ADPRH: variants seen among roughly 807,000 people sequenced by gnomAD.
ADPRH encodes ADP-ribose-L-arginine cleaving enzyme.
Under a neutral mutation model 28.8 loss-of-function variants are expected in ADPRH, and 27 were observed. The ratio of observed to expected loss-of-function variants is 0.94; its 90% confidence interval spans 0.69 to 1.29. The LOEUF (loss-of-function observed/expected upper bound fraction) is 1.29, where lower values mean the gene tolerates loss of function less well. ADPRH is among the 50% of genes most tolerant of loss of function. The pLI is 0.00. For missense variants in ADPRH, 419 were observed against 444.8 expected (o/e 0.94, Z 0.52); for synonymous variants, 161 against 166.9 (o/e 0.96, Z 0.27).
intron 3 of ADPRH, among the ~76,000 whole-genome samples, chr3:119,584,435 C>T (rs1034956837): frequency 1.3e-5 from 2 of 151,972 alleles, no homozygotes; most frequent in African/African-American, 4.8e-5. Context: ...TGATGGTGCA[C>T]ACCTGTAATC....
At position 119,588,057 on chromosome 3, in the gene ADPRH, T is replaced by C. The variant is rs2082482131; in HGVS notation, c.*179T>C. 1 of 578,832 alleles carries C rather than the reference T, an allele frequency of 1.7e-6. No homozygotes were observed. The highest frequency in any genetic ancestry group is 2.8e-6 in the Non-Finnish European group (1 of 360,250). The allele number at this position is 578,832 out of a possible 1,614,324, so 35.9% of individuals were successfully genotyped here. On this transcript the variant is annotated 3_prime_UTR_variant, in exon 5 of 5. Coordinates refer to ENST00000357003, the MANE Select transcript of ADPRH (RefSeq NM_001125.4). ...AGGCTCATCCTGTTCTTCCAGAATC[T>C]ATCCCTTTTCTTACACTGAAGAGTC...
rs756523263 is a variant in ADPRH at position 119,587,648 on chromosome 3, G to A, written c.844G>A (p.Val282Ile). 17 of 1,614,078 alleles carry A rather than the reference G, an allele frequency of 1.1e-5. No homozygotes were observed. The East Asian group carries it at 3.6e-4, about 34-fold the overall frequency. ...TGCCCCCATGATTGCCTACGATGCT[G>A]TTCTTGCTGCAGGAGACTCCTGGAA... ...HDAPMIAYDA[V>I]LAAGDSWKEL... The change falls in exon 5 of 5, where the codon GTT becomes ATT. Residue 282 changes from valine (V) to isoleucine (I), a missense_variant. Transcript: ENST00000357003.
rs1280210266 is a variant in ADPRH, at chr3:119,588,910, A to G, written c.*1032A>G. 2 of 152,270 alleles carry G rather than the reference A, an allele frequency of 1.3e-5. No individual in the cohort carries two copies. Among genetic ancestry groups the G allele is most frequent in the Non-Finnish European group, 2.9e-5 (2 of 68,062 alleles). 9.4% of individuals were successfully genotyped at this position (152,270 alleles called of 1,614,324 possible). A position where few individuals can be genotyped will look rare whatever the true frequency, so the allele number is the denominator to read the frequency against. On this transcript the variant is annotated 3_prime_UTR_variant, in exon 5 of 5. Coordinates refer to ENST00000357003, the MANE Select transcript of ADPRH (RefSeq NM_001125.4). The stretch of plus-strand genomic sequence containing the variant: ...CAGTATCTATTGAGTGTTATGAACT[A>G]GCCTCCTAGCTCGTGCTTCCCTCAT...
chr3:119,582,110 C>A, intron 2 of ADPRH, 24 bp from the exon 3 acceptor site: 2 of 1,269,032 alleles, frequency 1.6e-6, no homozygotes, highest in African/African-American at 1.5e-5. Context: ...ATCCTATTTC[C>A]TTTGTCTTAA....
rs559532787 is a variant in ADPRH at position 119,580,626 on chromosome 3, C to T, written c.-47C>T. The T allele has an allele frequency of 1.4e-4, 22 of 152,160 alleles. No homozygotes were observed. The highest frequency in any genetic ancestry group is 2.6e-4 in the Non-Finnish European group (18 of 68,056). The allele number at this position is 152,160 out of a possible 1,614,324, so 9.4% of individuals were successfully genotyped here. A position where few individuals can be genotyped will look rare whatever the true frequency, so the allele number is the denominator to read the frequency against. On this transcript the variant is annotated 5_prime_UTR_variant, in exon 2 of 5. Coordinates refer to ENST00000357003, the MANE Select transcript of ADPRH (RefSeq NM_001125.4). ...ACTTCTGGAAGCCTCCTGACTTGAA[C>T]TAGACCTTGGGTAAATAGGGTTTAG...
chr3:119,587,014 G>A (rs2082468365), intron 4 of ADPRH, among the ~76,000 whole-genome samples: 1 of 152,218 alleles, frequency 6.6e-6, no homozygotes, highest in Admixed American at 6.5e-5. Context: ...AAATTCCAGA[G>A]ATACGTTTTT....
In ADPRH at chr3:119,587,446, A is replaced by AT. The variant is rs142015073; in HGVS notation, c.660-12dup. 6.6e-3 allele frequency: 9,812 copies of AT among 1,486,546 alleles called. 537 individuals carry two copies. The African/African-American group carries it at 0.12, about 18-fold the overall frequency. The allele number at this position is 1,486,546 out of a possible 1,614,324, so 92.1% of individuals were successfully genotyped here. A position where few individuals can be genotyped will look rare whatever the true frequency, so the allele number is the denominator to read the frequency against. On this transcript the variant is annotated splice_polypyrimidine_tract_variant and intron_variant, in intron 4 of 4. Coordinates refer to ENST00000357003, the MANE Select transcript of ADPRH (RefSeq NM_001125.4). ...CTTTATTTTTTTCAATTGACTCTAG[A>AT]TTTTTTCCTTTCTACAGGTCCTACT...
rs149117576 is a variant in ADPRH at position 119,582,408 on chromosome 3, A to G, written c.239A>G (p.Tyr80Cys). 6.0e-5 allele frequency: 97 copies of G among 1,613,876 alleles called. No individual in the cohort carries two copies. The highest frequency in any genetic ancestry group is 2.0e-4 in the African/African-American group (15 of 74,928). ...AAAGCCCCTAAGTTGACTCAACTGT[A>G]TTACCTCCTTGCTAAGCATTACCAA... is the stretch of plus-strand genomic sequence containing the variant. ...AGKAPKLTQL[Y>C]YLLAKHYQDC... Residue 80 changes from tyrosine (Y) to cysteine (C), a missense_variant, in exon 3 of 5, where the codon TAT becomes TGT. Transcript: ENST00000357003.
rs1038407460 is a variant in ADPRH at position 119,585,200 on chromosome 3, T to G, written c.299-1085T>G. On this transcript the variant is annotated intron_variant, in intron 3 of 4. Coordinates refer to ENST00000357003, the MANE Select transcript of ADPRH (RefSeq NM_001125.4). Reference sequence around the variant, plus strand: ...CTCGGCATCTGATAGCTCATCAGTTTAGCAAGTGGAAACTTTTTTTTGTCC... The same window carrying G: ...CTCGGCATCTGATAGCTCATCAGTTGAGCAAGTGGAAACTTTTTTTTGTCC... Among the ~76,000 whole-genome samples, 11 of 152,328 alleles carry G rather than the reference T, an allele frequency of 7.2e-5. No individual in the cohort carries two copies. In the South Asian group the frequency reaches 2.3e-3, roughly 32 times the overall value.
At position 119,587,798 on chromosome 3, in the gene ADPRH, G is replaced by A. The variant is rs780962141; in HGVS notation, c.994G>A (p.Glu332Lys). 4 of 1,614,112 alleles carry A rather than the reference G, an allele frequency of 2.5e-6. No homozygotes were observed. Among genetic ancestry groups the A allele is most frequent in the Non-Finnish European group, 3.4e-6 (4 of 1,179,994 alleles). ...GVSPSNYEKL[E>K]YRNRLEETAR... is the part of the protein sequence containing the mutation. ...GAGTCCCTCCAACTATGAGAAACTA[G>A]AATACAGAAACCGGCTGGAAGAGAC... is the stretch of plus-strand genomic sequence containing the variant. Residue 332 changes from glutamate to lysine, a missense_variant, in exon 5 of 5, where the codon GAA (glutamate) becomes AAA (lysine). By Grantham distance (56) the Glu-to-Lys change is moderately conservative (BLOSUM62 1). Transcript: ENST00000357003.
intron 1 of ADPRH, chr3:119,580,066 A>G (rs1436129770): frequency 6.6e-6 from 1 of 152,290 alleles, no homozygotes; most frequent in East Asian, 1.9e-4. Flanking sequence ...GTGAAAGTTC[A>G]GAGGAGTTAA....
chr3:119,587,077 C>T (rs558993091), intron 4 of ADPRH, among the ~76,000 whole-genome samples: 1 of 152,358 alleles, frequency 6.6e-6, no homozygotes, highest in South Asian at 2.1e-4. Context: ...CTCGTGAGTT[C>T]ACTTCACATT....
At chr3:119,586,202 G>T in intron 3 of ADPRH, 83 bp from the exon 4 acceptor site, 1 of 1,567,024 alleles carries the variant, frequency 6.4e-7, no homozygotes, top group Non-Finnish European at 8.7e-7. Context: ...AAAATACTTG[G>T]AGACAGAGTT....
At position 119,588,020 on chromosome 3, in the gene ADPRH, C is replaced by A; in HGVS notation, c.*142C>A. The A allele has an allele frequency of 1.1e-6, 1 of 881,380 alleles. No homozygotes were observed. The highest frequency in any genetic ancestry group is 1.6e-6 in the Non-Finnish European group (1 of 612,396). The allele number at this position is 881,380 out of a possible 1,614,324, so 54.6% of individuals were successfully genotyped here. A position where few individuals can be genotyped will look rare whatever the true frequency, so the allele number is the denominator to read the frequency against. On this transcript the variant is annotated 3_prime_UTR_variant, in exon 5 of 5. Coordinates refer to ENST00000357003, the MANE Select transcript of ADPRH (RefSeq NM_001125.4). ...TAACAAGTCCCTTGGGCACCTTAAG[C>A]TCAGTTTTTTCAGGCTCATCCTGTT...
rs2082485817 is a variant in ADPRH at position 119,588,434 on chromosome 3, G to C, written c.*556G>C. 1 of 152,350 alleles carries C rather than the reference G, an allele frequency of 6.6e-6. No homozygotes were observed. The highest frequency in any genetic ancestry group is 1.9e-4 in the East Asian group (1 of 5,184). 9.4% of individuals were successfully genotyped at this position (152,350 alleles called of 1,614,324 possible). On this transcript the variant is annotated 3_prime_UTR_variant, in exon 5 of 5. Coordinates refer to ENST00000357003, the MANE Select transcript of ADPRH (RefSeq NM_001125.4). ...TCCCATTTGAAGGGCAAGCAAACCT[G>C]GGGTATTTATCCACTGACTTCCATC...
chr3:119,584,350 G>T (rs1032437609), intron 3 of ADPRH, among the ~76,000 whole-genome samples: 2 of 151,980 alleles, frequency 1.3e-5, no homozygotes, highest in African/African-American at 4.8e-5. Context: ...ATCATCTGAG[G>T]TCAGGAGTTT....
At chr3:119,583,859 C>A (rs985874983) in intron 3 of ADPRH, among the ~76,000 whole-genome samples, 2 of 151,998 alleles carry the variant, frequency 1.3e-5, no homozygotes, top group African/African-American at 2.4e-5. Flanking sequence ...CTCACTGCAA[C>A]CTCTGCCTCC....
At position 119,587,915 on chromosome 3, in the gene ADPRH, T is replaced by G; in HGVS notation, c.*37T>G. ...GTTCACTTCTGATGGATTCTTCTTT[T>G]GTGTATTTCCTTTTCTGCTATTTCT... On this transcript the variant is annotated 3_prime_UTR_variant, in exon 5 of 5. Transcript: ENST00000357003. The G allele has an allele frequency of 6.6e-7, 1 of 1,523,684 alleles. No individual in the cohort carries two copies. Among genetic ancestry groups the G allele is most frequent in the Non-Finnish European group, 8.8e-7 (1 of 1,138,456 alleles). 94.4% of individuals were successfully genotyped at this position (1,523,684 alleles called of 1,614,324 possible).
chr3:119,587,834 T>C lies in ADPRH; in HGVS notation c.1030T>C (p.Leu344=), dbSNP rs371709584. ...RNRLEETARA[L]YSLGSKEDTV... Reference sequence around the variant, plus strand: ...CCGGCTGGAAGAGACAGCTAGGGCTTTATATTCTCTCGGGTCAAAAGAAGA... The same window carrying C: ...CCGGCTGGAAGAGACAGCTAGGGCTCTATATTCTCTCGGGTCAAAAGAAGA... Residue 344 remains leucine (L), a synonymous_variant, in exon 5 of 5, where the codon TTA becomes CTA. Coordinates refer to ENST00000357003, the MANE Select transcript of ADPRH (RefSeq NM_001125.4). The C allele has an allele frequency of 2.3e-5, 37 of 1,612,354 alleles. No homozygotes were observed. Among genetic ancestry groups the C allele is most frequent in the Non-Finnish European group, 3.1e-5 (36 of 1,179,180 alleles).
Sources: allele counts gnomAD v4.1 joint callset (sites outside exome capture counted in the v4.1 genomes callset), GRCh38; gene constraint gnomAD v4.1.1; transcripts MANE v1.5; gene names NCBI Gene and HGNC (gene_info 2026-07-23, HGNC 2026-07-21).